VSTM4: variants seen among roughly 807,000 people sequenced by gnomAD.
VSTM4 encodes the protein V-set and transmembrane domain containing 4, also known as V-set and transmembrane domain-containing protein 4.
Under a neutral mutation model 36.4 loss-of-function variants are expected in VSTM4, and 20 were observed. The observed-to-expected ratio is 0.55, with a 90% confidence interval of 0.39 to 0.80. The LOEUF is 0.80. VSTM4 is among the 30% of genes least tolerant of loss of function. The pLI, the probability that VSTM4 is intolerant of heterozygous loss-of-function variation, is 0.00. For synonymous variants in VSTM4, 182 were observed against 173.9 expected (o/e 1.05, Z -0.37); for missense variants, 392 against 404.5 (o/e 0.97, Z 0.26).
chr10:49,044,082 C>CT (rs1843562339), intron 7 of VSTM4, among the ~76,000 whole-genome samples: 1 of 152,212 alleles, frequency 6.6e-6, no homozygotes, highest in South Asian at 2.1e-4. Context: ...AATCCCAACA[C>CT]TTTTGGACGC....
chr10:49,075,645 A>G (rs933615313), intron 4 of VSTM4, among the ~76,000 whole-genome samples: 1 of 152,240 alleles, frequency 6.6e-6, no homozygotes, highest in Non-Finnish European at 1.5e-5. Context: ...GAAGGACAGC[A>G]TAGAGACACA....
chr10:49,062,782 T>C (rs1843902788), intron 5 of VSTM4, among the ~76,000 whole-genome samples: 1 of 152,224 alleles, frequency 6.6e-6, no homozygotes, highest in Admixed American at 6.5e-5. Context: ...GTTCATTTTT[T>C]GTTTGTTTTT....
chr10:49,109,248 A>G (rs1844849411), intron 1 of VSTM4, among the ~76,000 whole-genome samples: 1 of 152,150 alleles, frequency 6.6e-6, no homozygotes, highest in Non-Finnish European at 1.5e-5. Flanking sequence ...AAAACCTTTG[A>G]CCCCTGGGCA....
Position 49,107,806 on chromosome 10 carries a change from C to CGGAG in VSTM4, c.241_244dup (p.Arg82ProfsTer80), listed in dbSNP as rs1564599058. On this transcript the variant is annotated frameshift_variant, in exon 2 of 8. Coordinates refer to ENST00000332853, the MANE Select transcript of VSTM4 (RefSeq NM_001031746.5). LOFTEE classifies it high-confidence loss of function. ...GAAATTCCCATAGTACTGCACCACC[C>CGGAG]GGAGCTTGGTCATCTTCACCATCAA... 6.2e-7 allele frequency: 1 copy of CGGAG among 1,614,252 alleles called. No individual in the cohort carries two copies. Among genetic ancestry groups the CGGAG allele is most frequent in the East Asian group, 2.2e-5 (1 of 44,890 alleles).
chr10:49,051,542 C>T (rs528172244), intron 5 of VSTM4, among the ~76,000 whole-genome samples: 11 of 152,212 alleles, frequency 7.2e-5, no homozygotes, highest in Non-Finnish European at 1.0e-4. Flanking sequence ...ATTACAGGTG[C>T]CTGCCACCAT....
chr10:49,107,486 G>A, intron 2 of VSTM4, 108 bp downstream of exon 2: 4 of 1,387,442 alleles, frequency 2.9e-6, no homozygotes, highest in Non-Finnish European at 3.9e-6. Flanking sequence ...CACAAGATAT[G>A]TTCTAGTGCA....
intron 3 of VSTM4, among the ~76,000 whole-genome samples, chr10:49,080,551 C>A (rs778663157): frequency 2.6e-5 from 4 of 152,176 alleles, no homozygotes; most frequent in Non-Finnish European, 4.4e-5. Flanking sequence ...GTAGAAAGTG[C>A]CTTAGGGCAA....
chr10:49,046,969 A>C lies in VSTM4; in HGVS notation c.837+14T>G, dbSNP rs1354290249. 2 of 1,613,086 alleles carry C rather than the reference A, an allele frequency of 1.2e-6. No individual in the cohort carries two copies. Among genetic ancestry groups the C allele is most frequent in the Non-Finnish European group, 1.7e-6 (2 of 1,179,166 alleles). ...GCTTAAGGTATGATAGGAATACAGA[A>C]GACGGTTACTTACCAGCGTGACTTT... On this transcript the variant is annotated intron_variant, in intron 7 of 7. Transcript: ENST00000332853.
At chr10:49,061,187 T>C (rs956520597) in intron 5 of VSTM4, among the ~76,000 whole-genome samples, 1 of 152,184 alleles carries the variant, frequency 6.6e-6, no homozygotes, top group African/African-American at 2.4e-5. Context: ...ATTTAGAGAT[T>C]TTCCTGCAGT....
chr10:49,087,924 T>A (rs906859226), intron 2 of VSTM4, among the ~76,000 whole-genome samples: 1 of 147,102 alleles, frequency 6.8e-6, no homozygotes, highest in Non-Finnish European at 1.5e-5. Flanking sequence ...TATATATACA[T>A]ATGTAATATA....
At chr10:49,022,574 G>A (rs902927916) in intron 7 of VSTM4, among the ~76,000 whole-genome samples, 10 of 152,000 alleles carry the variant, frequency 6.6e-5, no homozygotes, top group African/African-American at 2.2e-4. Flanking sequence ...TCATTTATAG[G>A]GATGGGAGCC....
At chr10:49,076,164 G>T (rs1590110108) in intron 4 of VSTM4, among the ~76,000 whole-genome samples, 1 of 152,246 alleles carries the variant, frequency 6.6e-6, no homozygotes, top group East Asian at 1.9e-4. Context: ...TGTTGGAGTG[G>T]CCCCTCAAAC....
chr10:49,019,838 A>T, intron 7 of VSTM4, 63 bp from the exon 8 acceptor site: 1 of 1,551,546 alleles, frequency 6.4e-7, no homozygotes, highest in South Asian at 1.2e-5. Flanking sequence ...TACATCACAC[A>T]TTCATTCATC....
intron 6 of VSTM4, 32 bp from the exon 7 acceptor site, chr10:49,047,076 G>C: frequency 6.2e-7 from 1 of 1,605,502 alleles, no homozygotes; most frequent in Non-Finnish European, 8.5e-7. Context: ...TTAGCTTGCA[G>C]TTCCTCCCAG....
At chr10:49,035,844 TAATA>T (rs1280085204) in intron 7 of VSTM4, among the ~76,000 whole-genome samples, 3 of 151,820 alleles carry the variant, frequency 2.0e-5, no homozygotes, top group Non-Finnish European at 4.4e-5. Flanking sequence ...TCAAAAAAAA[TAATA>T]AATAAATAAA....
rs527269390 is a variant in VSTM4 at position 49,035,653 on chromosome 10, C to T, written c.837+11330G>A. On this transcript the variant is annotated intron_variant, in intron 7 of 7. Coordinates refer to ENST00000332853, the MANE Select transcript of VSTM4 (RefSeq NM_001031746.5). Reference sequence around the variant, plus strand: ...GTTTGAGACCAGCCTGGGCACATAGCGAGATCCCAGCTCCACAAAAAAAAA... The same window carrying T: ...GTTTGAGACCAGCCTGGGCACATAGTGAGATCCCAGCTCCACAAAAAAAAA... Among the ~76,000 whole-genome samples the T allele has an allele frequency of 9.2e-5, 10 of 108,292 alleles. No individual in the cohort carries two copies. The South Asian group carries it at 2.3e-3, about 25-fold the overall frequency. 71.0% of individuals were successfully genotyped at this position (108,292 alleles called of 152,430 possible).
chr10:49,114,562 T>C (rs1341120519), intron 1 of VSTM4, among the ~76,000 whole-genome samples: 1 of 149,764 alleles, frequency 6.7e-6, no homozygotes, highest in Admixed American at 6.7e-5. Flanking sequence ...TCAGAGGTTA[T>C]TGGTGAGATT....
At position 49,107,656 on chromosome 10, in the gene VSTM4, A is replaced by G. The variant is rs968959318; in HGVS notation, c.395T>C (p.Ile132Thr). The change falls in exon 2 of 8, where the codon ATC becomes ACC. Residue 132 changes from isoleucine to threonine, a missense_variant. By Grantham distance (89) the Ile-to-Thr change is moderately conservative. Coordinates refer to ENST00000332853, the MANE Select transcript of VSTM4 (RefSeq NM_001031746.5). The stretch of plus-strand genomic sequence containing the variant: ...CGTCCACTTGTTCCTGTGCCTGCTG[A>G]TTTCCTGGACTCTGCAGACGTAATG... ...QGHYVCRVQE[I>T]SRHRNKWTAW... The G allele has an allele frequency of 6.2e-7, 1 of 1,613,826 alleles. No individual in the cohort carries two copies. The highest frequency in any genetic ancestry group is 1.3e-5 in the African/African-American group (1 of 74,930).
At chr10:49,073,016 T>C (rs1844109110) in intron 4 of VSTM4, among the ~76,000 whole-genome samples, 1 of 152,228 alleles carries the variant, frequency 6.6e-6, no homozygotes, top group Admixed American at 6.5e-5. Context: ...AAGGCAACTA[T>C]TCTTAGTTAT....
Sources: allele counts gnomAD v4.1 joint callset (sites outside exome capture counted in the v4.1 genomes callset), GRCh38; gene constraint gnomAD v4.1.1; transcripts MANE v1.5; gene names NCBI Gene and HGNC (gene_info 2026-07-23, HGNC 2026-07-21).